Variants in COPB2 observed in about 807,000 individuals in gnomAD.
The protein encoded by COPB2 is coatomer subunit beta'.
A neutral mutation model predicts 120.8 loss-of-function variants in COPB2; 16 were observed. That is an observed-to-expected ratio of 0.13 (90% CI 0.09 to 0.20). The LOEUF is 0.20. COPB2 is among the 10% of genes least tolerant of loss of function. COPB2 has a pLI of 1.00. For missense variants in COPB2, 794 were observed against 1,076.5 expected (o/e 0.74, Z 3.67); for synonymous variants, 332 against 366.3 (o/e 0.91, Z 1.07).
In COPB2 at chr3:139,359,120, G is replaced by A; in HGVS notation, c.2362C>T (p.Leu788Phe). Residue 788 changes from leucine (L) to phenylalanine (F), a missense_variant, in exon 19 of 22, where the codon CTT (leucine) becomes TTT (phenylalanine). Around this residue, in one of 3 missense-constraint regions of COPB2, gnomAD observed 178 missense variants for 183.2 expected, o/e 0.97. Transcript: ENST00000333188. Reference sequence around the variant, plus strand: ...TTTTCATACTCTGTTGGGTCAGCAAGGGATTCTGCTGCTTTCTGATTGACT... The same window carrying A: ...TTTTCATACTCTGTTGGGTCAGCAAAGGATTCTGCTGCTTTCTGATTGACT... The part of the protein sequence containing the change: ...SKVNQKAAES[L>F]ADPTEYENLF... 1 of 1,614,098 alleles carries A rather than the reference G, an allele frequency of 6.2e-7. No homozygotes were observed. The highest frequency in any genetic ancestry group is 8.5e-7 in the Non-Finnish European group (1 of 1,180,016).
chr3:139,358,095 C>A, intron 21 of COPB2, 105 bp downstream of exon 21: 2 of 1,127,548 alleles, frequency 1.8e-6, no homozygotes, highest in Non-Finnish European at 1.3e-6. Flanking sequence ...AAAGCCCCTG[C>A]TCTGAAACTG....
chr3:139,369,277 TCAATTCTTC>T lies in COPB2; in HGVS notation c.1376_1384del (p.Arg459_Glu462delinsGln). 1 of 1,607,544 alleles carries T rather than the reference TCAATTCTTC, an allele frequency of 6.2e-7. No individual in the cohort carries two copies. The highest frequency in any genetic ancestry group is 8.5e-7 in the Non-Finnish European group (1 of 1,176,768). On this transcript the variant is annotated inframe_deletion, in exon 12 of 22. Transcript: ENST00000333188. ...GAAACTCACATGTTTGGGCTGAATT[TCAATTCTTC>T]GTATGAGTTCTGTATTGTCCCAGTC... is the stretch of plus-strand genomic sequence containing the variant.
intron 7 of COPB2, 149 bp downstream of exon 7, chr3:139,374,340 C>T: frequency 3.4e-6 from 2 of 587,552 alleles, no homozygotes; most frequent in Non-Finnish European, 6.1e-6. Context: ...AAAATAATGC[C>T]CCTTTACTCT....
rs374426564 is a variant in COPB2, at chr3:139,371,827, C to T, written c.1101G>A (p.Val367=). Residue 367 remains valine, a synonymous_variant, in exon 10 of 22, where the codon GTG becomes GTA. Transcript: ENST00000333188. ...TIQHNPNGRF[V]VVCGDGEYII... ...TATACTCCCCATCACCACACACCAC[C>T]ACAAACCTAGAAATCACAGAAGCCA... The T allele has an allele frequency of 1.2e-5, 20 of 1,613,650 alleles. No homozygotes were observed. Among genetic ancestry groups the T allele is most frequent in the Middle Eastern group, 3.3e-4 (2 of 6,062 alleles).
Position 139,369,380 on chromosome 3 carries a change from T to TA in COPB2, c.1295-14dup, listed in dbSNP as rs748590765. 6.2e-7 allele frequency: 1 copy of TA among 1,610,092 alleles called. No individual in the cohort carries two copies. The highest frequency in any genetic ancestry group is 1.7e-5 in the Admixed American group (1 of 59,258). ...CCGCCGTAGATACCTAAAGGGAACA[T>TA]AAAAAGAGTTTTGCTTAGGCATTTT... On this transcript the variant is annotated splice_polypyrimidine_tract_variant and intron_variant, in intron 11 of 21. Transcript: ENST00000333188.
At chr3:139,389,676 T>C (rs1426243731), upstream of COPB2, 1 of 985,388 alleles carries the variant, frequency 1.0e-6, no homozygotes, top group East Asian at 3.0e-5. Context: ...ATTCTCGCGA[T>C]AGTCAGAGGC....
At chr3:139,373,010 A>C (rs1453953477) in intron 9 of COPB2, among the ~76,000 whole-genome samples, 1 of 152,252 alleles carries the variant, frequency 6.6e-6, no homozygotes, top group East Asian at 1.9e-4. Context: ...GAACAAGTCC[A>C]GATGGGAAAC....
At chr3:139,358,662 T>C (rs1941343997) in intron 20 of COPB2, 82 bp downstream of exon 20, 1 of 974,634 alleles carries the variant, frequency 1.0e-6, no homozygotes. Flanking sequence ...GCCAGGGCAA[T>C]GGAGCGAAAC....
At chr3:139,389,378 C>A in intron 1 of COPB2, 170 bp downstream of exon 1, 3 of 1,102,728 alleles carry the variant, frequency 2.7e-6, no homozygotes, top group African/African-American at 3.3e-5. Flanking sequence ...TCCCCTAGGC[C>A]CCACCGCCTT....
At chr3:139,363,995 C>A (rs1433580015) in intron 15 of COPB2, among the ~76,000 whole-genome samples, 1 of 152,042 alleles carries the variant, frequency 6.6e-6, no homozygotes, top group Non-Finnish European at 1.5e-5. Context: ...AAAATATATA[C>A]TTTTGTTTTC....
chr3:139,358,915 G>T, intron 19 of COPB2, 83 bp downstream of exon 19: 1 of 1,566,908 alleles, frequency 6.4e-7, no homozygotes, highest in Non-Finnish European at 8.8e-7. Context: ...TTTAAAAGAA[G>T]ACAGCAGTTC....
chr3:139,359,631 G>A (rs180795601), intron 17 of COPB2, among the ~76,000 whole-genome samples: 183 of 152,246 alleles, frequency 1.2e-3, no homozygotes, highest in Non-Finnish European at 2.0e-3. Context: ...GAGGAGTTAA[G>A]GCAGGTTAGA....
chr3:139,368,394 A>G (rs11928018), intron 12 of COPB2, 106 bp from the exon 13 acceptor site: 124,975 of 1,147,158 alleles, frequency 0.11, 8,303 homozygotes, highest in African/African-American at 0.29. Flanking sequence ...TATCAAGATG[A>G]TAAGTATTCA....
intron 1 of COPB2, among the ~76,000 whole-genome samples, chr3:139,387,228 A>AAAGG (rs1238775510): frequency 1.3e-5 from 2 of 151,848 alleles, no homozygotes; most frequent in Non-Finnish European, 2.9e-5. Context: ...AGAAAGAAAG[A>AAAGG]AAGAAGGAAA....
chr3:139,383,549 A>G, intron 1 of COPB2, 114 bp from the exon 2 acceptor site: 2 of 949,094 alleles, frequency 2.1e-6, no homozygotes, highest in Non-Finnish European at 3.0e-6. Flanking sequence ...CTACTTTGCT[A>G]AGCTTTTGAA....
chr3:139,367,842 G>A (rs1224151782), intron 13 of COPB2, among the ~76,000 whole-genome samples: 1 of 152,160 alleles, frequency 6.6e-6, no homozygotes, highest in Non-Finnish European at 1.5e-5. Flanking sequence ...CCATTTGGGA[G>A]CTTATTTAAA....
At chr3:139,370,838 TA>T (rs1296273707) in intron 10 of COPB2, among the ~76,000 whole-genome samples, 6 of 152,206 alleles carry the variant, frequency 3.9e-5, no homozygotes, top group Non-Finnish European at 8.8e-5. Context: ...TTGCTTAAGA[TA>T]ACACATTACC....
intron 7 of COPB2, among the ~76,000 whole-genome samples, chr3:139,374,058 A>G (rs750896730): frequency 2.0e-5 from 3 of 152,346 alleles, no homozygotes; most frequent in Non-Finnish European, 2.9e-5. Context: ...TTTCCTGGGT[A>G]AAGTGTTTCC....
intron 1 of COPB2, among the ~76,000 whole-genome samples, chr3:139,386,799 A>T (rs1424779540): frequency 1.3e-5 from 2 of 152,080 alleles, no homozygotes; most frequent in Non-Finnish European, 2.9e-5. Flanking sequence ...AAATATTTTA[A>T]ATTATTGATT....
Sources: gnomAD v4.1 joint callset for allele counts (sites outside exome capture counted in the v4.1 genomes callset) on GRCh38, gnomAD v4.1.1 for gene constraint, gnomAD v4.1.1 regional missense constraint, MANE v1.5 for transcripts, NCBI Gene and HGNC (gene_info 2026-07-23, HGNC 2026-07-21) for gene names.